Variants in RP1 observed in about 807,000 individuals in gnomAD.
The protein encoded by RP1 is RP1 axonemal microtubule associated.
RP1 carries 16 observed loss-of-function variants against 14.8 expected under a neutral mutation model. The observed-to-expected ratio is 1.08, with a 90% CI of 0.73 to 1.65. RP1 has a LOEUF of 1.65. RP1 is among the 40% of genes most tolerant of loss of function. The pLI is 0.00. For synonymous variants in RP1, 876 were observed against 883.6 expected (o/e 0.99, Z 0.15); for missense variants, 2,631 against 2,535.0 (o/e 1.04, Z -0.81).
chr8:54,638,586 C>T (rs1200713457), intron 3 of RP1, among the ~76,000 whole-genome samples: 5 of 152,060 alleles, frequency 3.3e-5, no homozygotes, highest in Admixed American at 6.6e-5. Flanking sequence ...CTAAGCCATT[C>T]TCATTTCTGC....
intron 12 of RP1, among the ~76,000 whole-genome samples, chr8:54,694,494 G>A (rs371903540): frequency 5.3e-5 from 8 of 151,922 alleles, no homozygotes; most frequent in East Asian, 1.9e-4. Flanking sequence ...CCACAATTTC[G>A]GAGCCTGTTA....
At chr8:54,867,589 C>T (rs965255682) in intron 28 of RP1, among the ~76,000 whole-genome samples, 4 of 152,034 alleles carry the variant, frequency 2.6e-5, no homozygotes, top group Non-Finnish European at 5.9e-5. Context: ...ATATAAAGTA[C>T]CTACAAAAGT....
At chr8:54,734,133 T>A (rs1160078117) in intron 17 of RP1, among the ~76,000 whole-genome samples, 1 of 152,180 alleles carries the variant, frequency 6.6e-6, no homozygotes, top group African/African-American at 2.4e-5. Context: ...ACTTACCTAT[T>A]TTATGTGAAA....
chr8:54,815,624 G>A (rs1457080894), intron 24 of RP1, among the ~76,000 whole-genome samples: 1 of 152,150 alleles, frequency 6.6e-6, no homozygotes, highest in African/African-American at 2.4e-5. Flanking sequence ...AGATGGGTTG[G>A]ATAGCATCAG....
chr8:54,751,688 C>T (rs1445122869), intron 19 of RP1, among the ~76,000 whole-genome samples: 1 of 152,206 alleles, frequency 6.6e-6, no homozygotes. Context: ...TGAGTCCTGC[C>T]ATTAGCTATC....
At chr8:54,775,288 G>T (rs1810005625) in intron 23 of RP1, among the ~76,000 whole-genome samples, 2 of 152,112 alleles carry the variant, frequency 1.3e-5, no homozygotes, top group Non-Finnish European at 2.9e-5. Flanking sequence ...CTCAACAAAA[G>T]GTGGAATCAA....
chr8:54,841,154 G>A (rs1811781493), intron 25 of RP1, among the ~76,000 whole-genome samples: 2 of 152,126 alleles, frequency 1.3e-5, no homozygotes, highest in South Asian at 4.1e-4. Context: ...TGACATCAAG[G>A]AAAGCCCACA....
chr8:54,827,524 T>G (rs1811410941), intron 24 of RP1, among the ~76,000 whole-genome samples: 1 of 152,044 alleles, frequency 6.6e-6, no homozygotes, highest in African/African-American at 2.4e-5. Context: ...GAGATGGGGT[T>G]TAACCATGTT....
At position 54,627,410 on chromosome 8, in the gene RP1, T is replaced by C. The variant is rs748068846; in HGVS notation, c.3528T>C (p.Ala1176=). The change falls in exon 4 of 4, where the codon GCT becomes GCC. Residue 1176 remains alanine, a synonymous_variant. Coordinates refer to ENST00000220676, the MANE Select transcript of RP1 (RefSeq NM_006269.2). ...AGCACATAGCTATCACAGAGGAAGCTGATGACTTGAAAGCTGCTGTTGCCA... is the reference window on the plus strand; with the variant it reads ...AGCACATAGCTATCACAGAGGAAGCCGATGACTTGAAAGCTGCTGTTGCCA... The part of the protein sequence containing the change: ...ILKHIAITEE[A]DDLKAAVANL... 4 of 1,614,184 alleles carry C rather than the reference T, an allele frequency of 2.5e-6. No individual in the cohort carries two copies. In the Admixed American group the frequency reaches 6.7e-5, roughly 27 times the overall value.
chr8:54,594,302 A>T (rs556796144), intron 1 of RP1, among the ~76,000 whole-genome samples: 4 of 151,386 alleles, frequency 2.6e-5, no homozygotes, highest in African/African-American at 9.7e-5. Context: ...AGAACTTGGG[A>T]CCAGGAACTT....
At chr8:54,601,584 AAATAAAAAACTTAG>A (rs1805294554) in intron 1 of RP1, among the ~76,000 whole-genome samples, 1 of 151,150 alleles carries the variant, frequency 6.6e-6, no homozygotes, top group Non-Finnish European at 1.5e-5. Context: ...AAAAAAAACA[AAATAAAAAACTTAG>A]AAAAAAAAAA....
In RP1 at chr8:54,604,040, G is replaced by A. The variant is rs182634686; in HGVS notation, c.-12-16915G>A. Among the ~76,000 whole-genome samples the A allele has an allele frequency of 5.3e-5, 8 of 152,222 alleles. No individual in the cohort carries two copies. The East Asian group carries it at 1.4e-3, about 26-fold the overall frequency. Reference sequence around the variant, plus strand: ...TGAACACCCTTTATTTCCTTCTCCTGCCTGATTGCCCTGGCCAGAACTTCC... The same window carrying A: ...TGAACACCCTTTATTTCCTTCTCCTACCTGATTGCCCTGGCCAGAACTTCC... On this transcript the variant is annotated intron_variant, in intron 1 of 22. Coordinates refer to the RP1 transcript ENST00000636932.
At chr8:54,562,040 A>G (rs1260663397) in intron 1 of RP1, 1 of 152,246 alleles carries the variant, frequency 6.6e-6, no homozygotes, top group African/African-American at 2.4e-5. Context: ...TATGAAATTG[A>G]CTGTCAAATG....
intron 17 of RP1, chr8:54,734,537 C>T (rs1489969693): frequency 1.6e-5 from 25 of 1,526,700 alleles, no homozygotes; most frequent in South Asian, 3.6e-5. Flanking sequence ...TGCTTTTTTC[C>T]CCCATAGAAG....
chr8:54,669,046 G>C (rs1807082647), intron 7 of RP1, among the ~76,000 whole-genome samples: 1 of 152,136 alleles, frequency 6.6e-6, no homozygotes, highest in African/African-American at 2.4e-5. Flanking sequence ...TTAATCTAAA[G>C]AGCTTCTGCA....
chr8:54,854,823 C>A (rs1375878660), intron 26 of RP1, among the ~76,000 whole-genome samples: 1 of 152,112 alleles, frequency 6.6e-6, no homozygotes, highest in Non-Finnish European at 1.5e-5. Flanking sequence ...CAAGACAGCA[C>A]CATTGCACTC....
downstream of RP1, among the ~76,000 whole-genome samples, chr8:54,773,903 T>C (rs1288045971): frequency 6.6e-6 from 1 of 152,170 alleles, no homozygotes; most frequent in Non-Finnish European, 1.5e-5. Flanking sequence ...TCATTAACAA[T>C]TTGGTAGATT....
chr8:54,769,697 A>G, intron 22 of RP1: 1 of 1,262,630 alleles, frequency 7.9e-7, no homozygotes, highest in South Asian at 1.4e-5. Context: ...TTTTCTCTCT[A>G]TTTTCTCCTC....
chr8:54,840,004 T>C (rs1383832765), intron 25 of RP1, among the ~76,000 whole-genome samples: 2 of 152,106 alleles, frequency 1.3e-5, no homozygotes, highest in Non-Finnish European at 2.9e-5. Flanking sequence ...TATCCAGGGA[T>C]GCCCAGAAAA....
Sources: allele counts gnomAD v4.1 joint callset (sites outside exome capture counted in the v4.1 genomes callset), GRCh38; gene constraint gnomAD v4.1.1; transcripts MANE v1.5; gene names NCBI Gene and HGNC (gene_info 2026-07-23, HGNC 2026-07-21).